The following GPBP1L1 variants were observed in gnomAD, a reference collection of about 807,000 sequenced individuals.
GPBP1L1 encodes the protein GC-rich promoter binding protein 1 like 1.
In GPBP1L1, 23 loss-of-function variants were observed where a neutral mutation model predicts 52.5. The ratio of observed to expected loss-of-function variants is 0.44; its 90% confidence interval spans 0.32 to 0.62. The LOEUF (loss-of-function observed/expected upper bound fraction) is 0.62. Ranked by LOEUF, GPBP1L1 falls within the 20% of genes least tolerant of loss-of-function variation. GPBP1L1 has a pLI of 0.06. For missense variants in GPBP1L1, 596 were observed against 579.3 expected (o/e 1.03, Z -0.30); for synonymous variants, 243 against 203.1 (o/e 1.20, Z -1.67).
intron 11 of GPBP1L1, among the ~76,000 whole-genome samples, chr1:45,630,011 T>A (rs1569742503): frequency 6.6e-6 from 1 of 151,372 alleles, no homozygotes; most frequent in Non-Finnish European, 1.5e-5. Flanking sequence ...AGTGCAGTGG[T>A]ACAATCTCAG....
chr1:45,628,099 G>C lies in GPBP1L1; in HGVS notation c.*157C>G. The C allele has an allele frequency of 1.3e-6, 1 of 754,036 alleles. No homozygotes were observed. The highest frequency in any genetic ancestry group is 2.2e-6 in the Non-Finnish European group (1 of 462,688). 46.7% of individuals were successfully genotyped at this position (754,036 alleles called of 1,614,324 possible). A position where few individuals can be genotyped will look rare whatever the true frequency, so the allele number is the denominator to read the frequency against. The stretch of plus-strand genomic sequence containing the variant: ...ATAACAGGGAAGAACAATAACAAAA[G>C]CAAAACAAGCCAATTGCTCTCTCTT... On this transcript the variant is annotated 3_prime_UTR_variant, in exon 13 of 13. Coordinates refer to ENST00000355105, the MANE Select transcript of GPBP1L1 (RefSeq NM_021639.5).
chr1:45,634,487 T>G (rs1371648412), intron 8 of GPBP1L1: 1 of 344,770 alleles, frequency 2.9e-6, no homozygotes, highest in Non-Finnish European at 5.3e-6. Flanking sequence ...AGTTCAATAG[T>G]TCAATGAGTT....
intron 2 of GPBP1L1, among the ~76,000 whole-genome samples, chr1:45,674,990 C>G (rs1557721354): frequency 6.6e-6 from 1 of 152,016 alleles, no homozygotes. Flanking sequence ...TTTCTGTGCT[C>G]TTCATTATCT....
At position 45,646,136 on chromosome 1, in the gene GPBP1L1, C is replaced by T. The variant is rs138512447; in HGVS notation, c.478-3637G>A. 7.3e-4 allele frequency: 285 copies of T among 392,024 alleles called. 2 individuals carry two copies. Among genetic ancestry groups the T allele is most frequent in the South Asian group, 1.1e-3 (56 of 51,112 alleles). The allele number at this position is 392,024 out of a possible 1,614,324, so 24.3% of individuals were successfully genotyped here. A position where few individuals can be genotyped will look rare whatever the true frequency, so the allele number is the denominator to read the frequency against. On this transcript the variant is annotated intron_variant, in intron 6 of 12. Transcript: ENST00000355105. ...ATGGCCTAGTAAGAACCGGCGTTTCCCTCTCTTTTCGGCATTGGTGATACT... is the reference window on the plus strand; with the variant it reads ...ATGGCCTAGTAAGAACCGGCGTTTCTCTCTCTTTTCGGCATTGGTGATACT...
At chr1:45,653,985 C>A (rs1001059404) in intron 6 of GPBP1L1, among the ~76,000 whole-genome samples, 2 of 151,906 alleles carry the variant, frequency 1.3e-5, no homozygotes, top group Non-Finnish European at 2.9e-5. Context: ...AAGCATGAGC[C>A]ACCGAGCCCA....
intron 6 of GPBP1L1, among the ~76,000 whole-genome samples, chr1:45,648,281 T>C (rs969560711): frequency 1.3e-5 from 2 of 152,296 alleles, no homozygotes; most frequent in East Asian, 3.9e-4. Context: ...TTTTACTTTG[T>C]ACTAGTCAAT....
intron 4 of GPBP1L1, 114 bp downstream of exon 4, chr1:45,658,914 C>T: frequency 2.6e-6 from 2 of 756,466 alleles, no homozygotes; most frequent in Non-Finnish European, 2.4e-6. Context: ...CGCACTTCAT[C>T]CTGGGTGACA....
chr1:45,663,695 TAA>T (rs1644974720), intron 2 of GPBP1L1, among the ~76,000 whole-genome samples: 1 of 152,192 alleles, frequency 6.6e-6, no homozygotes, highest in South Asian at 2.1e-4. Context: ...GTTCTGGAAG[TAA>T]AAGACTAAAA....
At chr1:45,654,194 A>T (rs932262574) in intron 6 of GPBP1L1, 6 of 180,256 alleles carry the variant, frequency 3.3e-5, no homozygotes, top group Non-Finnish European at 5.9e-5. Flanking sequence ...TAGAGAACAA[A>T]ATCAAGAGAA....
At chr1:45,650,114 T>C (rs1338669535) in intron 6 of GPBP1L1, among the ~76,000 whole-genome samples, 1 of 152,204 alleles carries the variant, frequency 6.6e-6, no homozygotes, top group African/African-American at 2.4e-5. Context: ...TACTGGATAA[T>C]TGGGGAAGAT....
At chr1:45,645,760 AGTT>A (rs1168799314) in intron 6 of GPBP1L1, 2 of 339,622 alleles carry the variant, frequency 5.9e-6, no homozygotes, top group Non-Finnish European at 1.1e-5. Flanking sequence ...GATATTCCGA[AGTT>A]TTTTGTTTTT....
rs112081724 is a variant in GPBP1L1 at position 45,654,997 on chromosome 1, AG to A, written c.191-169del. Among the ~76,000 whole-genome samples, 200 of 152,388 alleles carry A rather than the reference AG, an allele frequency of 1.3e-3. 4 individuals carry two copies. The highest frequency in any genetic ancestry group is 4.7e-3 in the African/African-American group (197 of 41,590). ...ATTTCTGAAATCAGTTCAACTGAAC[AG>A]ATGATTCATGAGAATCATAATCATA... On this transcript the variant is annotated intron_variant, in intron 5 of 12. Transcript: ENST00000355105.
intron 6 of GPBP1L1, chr1:45,651,030 A>C: frequency 2.1e-6 from 1 of 465,502 alleles, no homozygotes. Context: ...GTGTACATTT[A>C]ATCCAATTGG....
At chr1:45,649,642 A>C (rs547821456) in intron 6 of GPBP1L1, among the ~76,000 whole-genome samples, 3 of 152,294 alleles carry the variant, frequency 2.0e-5, no homozygotes, top group South Asian at 2.1e-4. Context: ...CAGGAGGTTT[A>C]AATCTGTTTC....
chr1:45,633,809 G>A, intron 9 of GPBP1L1, 162 bp from the exon 10 acceptor site: 3 of 768,860 alleles, frequency 3.9e-6, no homozygotes, highest in Non-Finnish European at 4.1e-6. Flanking sequence ...GTTTTGCAGG[G>A]TTTATATAGT....
At chr1:45,638,818 CAG>C (rs1475020316) in intron 8 of GPBP1L1, among the ~76,000 whole-genome samples, 2 of 152,090 alleles carry the variant, frequency 1.3e-5, no homozygotes, top group African/African-American at 4.8e-5. Flanking sequence ...AAATTATTCA[CAG>C]AGAGGATGGC....
chr1:45,636,275 T>C (rs1187648468), intron 8 of GPBP1L1, among the ~76,000 whole-genome samples: 1 of 152,206 alleles, frequency 6.6e-6, no homozygotes, highest in Non-Finnish European at 1.5e-5. Context: ...TTGAATTCCC[T>C]TCTTTTCAAT....
chr1:45,661,210 A>C lies in GPBP1L1; in HGVS notation c.-1082T>G, dbSNP rs1402665523. On this transcript the variant is annotated 5_prime_UTR_variant, in exon 3 of 13. Coordinates refer to ENST00000355105, the MANE Select transcript of GPBP1L1 (RefSeq NM_021639.5). Reference sequence around the variant, plus strand: ...CCACTTCACAATCATTTGAAAGGCCACACGAATCTATCACTCTGTAAATGA... The same window carrying C: ...CCACTTCACAATCATTTGAAAGGCCCCACGAATCTATCACTCTGTAAATGA... 1.3e-5 allele frequency: 2 copies of C among 152,214 alleles called. No homozygotes were observed. The highest frequency in any genetic ancestry group is 2.9e-5 in the Non-Finnish European group (2 of 68,046). The allele number at this position is 152,214 out of a possible 1,614,324, so 9.4% of individuals were successfully genotyped here.
intron 10 of GPBP1L1, among the ~76,000 whole-genome samples, chr1:45,632,551 A>G (rs940622418): frequency 4.6e-5 from 7 of 152,086 alleles, no homozygotes; most frequent in Non-Finnish European, 8.8e-5. Context: ...CTCCATCTCT[A>G]CTAAGAATAC....
Sources: gnomAD v4.1 joint callset for allele counts (sites outside exome capture counted in the v4.1 genomes callset) on GRCh38, gnomAD v4.1.1 for gene constraint, MANE v1.5 for transcripts, NCBI Gene and HGNC (gene_info 2026-07-23, HGNC 2026-07-21) for gene names.